CYTH4: variants seen among roughly 807,000 people sequenced by gnomAD.
The protein encoded by CYTH4 is cytohesin-4.
A neutral mutation model predicts 57.5 loss-of-function variants in CYTH4; 22 were observed. The ratio of observed to expected loss-of-function variants is 0.38; its 90% CI spans 0.27 to 0.55. The LOEUF (loss-of-function observed/expected upper bound fraction) is 0.55. Ranked by LOEUF, CYTH4 falls within the 20% of genes least tolerant of loss-of-function variation. The pLI, the probability that CYTH4 is intolerant of heterozygous loss-of-function variation, is 0.74. For synonymous variants in CYTH4, 186 were observed against 206.5 expected (o/e 0.90, Z 0.85); for missense variants, 420 against 535.6 (o/e 0.78, Z 2.13).
At chr22:37,293,646 T>C (rs1215989002) in intron 2 of CYTH4, among the ~76,000 whole-genome samples, 1 of 152,224 alleles carries the variant, frequency 6.6e-6, no homozygotes, top group Non-Finnish European at 1.5e-5. Context: ...GACAAGTCCC[T>C]GGAACCAGCC....
intron 1 of CYTH4, among the ~76,000 whole-genome samples, chr22:37,289,070 C>T (rs934048434): frequency 6.6e-6 from 1 of 152,204 alleles, no homozygotes; most frequent in South Asian, 2.1e-4. Flanking sequence ...GGATTGTTGA[C>T]TTTTGCAGAA....
In CYTH4 at chr22:37,301,030, G is replaced by A; in HGVS notation, c.547+11G>A. 1 of 1,610,650 alleles carries A rather than the reference G, an allele frequency of 6.2e-7. No individual in the cohort carries two copies. The highest frequency in any genetic ancestry group is 1.1e-5 in the South Asian group (1 of 90,892). On this transcript the variant is annotated intron_variant, in intron 7 of 12. Transcript: ENST00000248901. ...TCTTCCAGTCCACAGGTGCCAGGAG[G>A]GGAGTGGGACCCAGGGCTCCGGGAC... is the stretch of plus-strand genomic sequence containing the variant.
chr22:37,300,859 C>G, intron 6 of CYTH4, 48 bp from the exon 7 acceptor site: 1 of 1,539,196 alleles, frequency 6.5e-7, no homozygotes, highest in Non-Finnish European at 8.9e-7. Context: ...GTCTGGGGCC[C>G]GCGAGGGCCC....
At chr22:37,297,815 T>C in intron 5 of CYTH4, 133 bp downstream of exon 5, 2 of 709,506 alleles carry the variant, frequency 2.8e-6, no homozygotes, top group East Asian at 5.3e-5. Context: ...GGCTCACGGA[T>C]CATCCCCTCC....
chr22:37,303,432 C>A, intron 8 of CYTH4, 30 bp downstream of exon 8: 2 of 1,603,392 alleles, frequency 1.2e-6, no homozygotes. Flanking sequence ...CCCAGCCTGG[C>A]CCCGGGGAAT....
In CYTH4 at chr22:37,311,591, G is replaced by C; in HGVS notation, c.957+64G>C. On this transcript the variant is annotated intron_variant, in intron 11 of 12. Coordinates refer to ENST00000248901, the MANE Select transcript of CYTH4 (RefSeq NM_013385.5). This position sits in a 1 kb window ranked among gnomAD's most constrained non-coding sequence, Gnocchi z 4.4. ...CTGGGAAATTTCCTAAACAGAACGT[G>C]GGGAGAGGGCCTGAGGCTGGGCTCT... 8.5e-6 allele frequency: 13 copies of C among 1,524,918 alleles called. No individual in the cohort carries two copies. The highest frequency in any genetic ancestry group is 1.1e-5 in the Non-Finnish European group (12 of 1,102,356). 94.5% of individuals were successfully genotyped at this position (1,524,918 alleles called of 1,614,324 possible).
In CYTH4 at chr22:37,312,062, A is replaced by G. The variant is rs369747286; in HGVS notation, c.1000A>G (p.Ile334Val). The G allele has an allele frequency of 5.6e-6, 9 of 1,613,926 alleles. No homozygotes were observed. Among genetic ancestry groups the G allele is most frequent in the Non-Finnish European group, 7.6e-6 (9 of 1,179,994 alleles). ...CAACCCTAGCTGCCGAGGCCAGAAA[A>G]TCAAGGCCTGCAAGACCGATGGCGA... is the stretch of plus-strand genomic sequence containing the variant. ...LYNPSCRGQK[I>V]KACKTDGDGR... The change falls in exon 12 of 13, where the codon ATC (isoleucine) becomes GTC (valine). Residue 334 changes from isoleucine to valine, a missense_variant. By Grantham distance (29) the Ile-to-Val change is conservative. Transcript: ENST00000248901.
At chr22:37,299,367 G>T (rs117515586) in intron 6 of CYTH4, 61 bp downstream of exon 6, 1 of 1,430,582 alleles carries the variant, frequency 7.0e-7, no homozygotes, top group Non-Finnish European at 9.8e-7. Flanking sequence ...GTGGCTGGGG[G>T]TGTCGCGATC....
intron 4 of CYTH4, 125 bp from the exon 5 acceptor site, chr22:37,297,439 C>A: frequency 1.3e-6 from 1 of 783,546 alleles, no homozygotes; most frequent in South Asian, 1.6e-5. Context: ...CTTCCCAGAA[C>A]AGACTGTGCC....
At chr22:37,310,872 T>G in intron 9 of CYTH4, 116 bp from the exon 10 acceptor site, 1 of 1,078,688 alleles carries the variant, frequency 9.3e-7, no homozygotes, top group Non-Finnish European at 1.4e-6. Flanking sequence ...TGGACGAAGT[T>G]TAGGGCACTC....
At position 37,295,436 on chromosome 22, in the gene CYTH4, A is replaced by G. The variant is rs889852262; in HGVS notation, c.168-563A>G. 2.0e-5 allele frequency among the ~76,000 whole-genome samples: 3 copies of G among 151,780 alleles called. No homozygotes were observed. Among genetic ancestry groups the G allele is most frequent in the Non-Finnish European group, 2.9e-5 (2 of 67,964 alleles). On this transcript the variant is annotated intron_variant, in intron 3 of 12. Coordinates refer to ENST00000248901, the MANE Select transcript of CYTH4 (RefSeq NM_013385.5). The surrounding 1 kb of genome is among the most constrained non-coding windows in gnomAD (Gnocchi z 4.1). Reference sequence around the variant, plus strand: ...CATGCACACACACACAAGCATGCACACACACACAAGCATGCACACACACGA... The same window carrying G: ...CATGCACACACACACAAGCATGCACGCACACACAAGCATGCACACACACGA...
intron 1 of CYTH4, among the ~76,000 whole-genome samples, chr22:37,289,429 G>GTTCAGTAGCTGCCTGGTT (rs1438012417): frequency 1.3e-5 from 2 of 152,234 alleles, no homozygotes; most frequent in Non-Finnish European, 2.9e-5. Context: ...CAGGACTGTA[G>GTTCAGTAGCTGCCTGGTT]TTCAGTAGCT....
chr22:37,295,539 C>T lies in CYTH4; in HGVS notation c.168-460C>T, dbSNP rs191501329. Reference sequence around the variant, plus strand: ...CACCTACGCCTCACTGTTTTAGGTGCTTTAACCTCTCAACAATGCTGGGAG... The same window carrying T: ...CACCTACGCCTCACTGTTTTAGGTGTTTTAACCTCTCAACAATGCTGGGAG... On this transcript the variant is annotated intron_variant, in intron 3 of 12. Transcript: ENST00000248901. The surrounding 1 kb of genome is among the most constrained non-coding windows in gnomAD (Gnocchi z 4.1). 3.3e-5 allele frequency among the ~76,000 whole-genome samples: 5 copies of T among 152,142 alleles called. No individual in the cohort carries two copies. The highest frequency in any genetic ancestry group is 7.4e-5 in the Non-Finnish European group (5 of 68,006).
At chr22:37,292,985 G>A (rs147769809) in intron 2 of CYTH4, among the ~76,000 whole-genome samples, 3 of 152,302 alleles carry the variant, frequency 2.0e-5, no homozygotes, top group Non-Finnish European at 4.4e-5. Context: ...TCACAGGGCA[G>A]GCTCTGACCC....
intron 2 of CYTH4, 123 bp from the exon 3 acceptor site, chr22:37,294,537 T>A: frequency 1.9e-6 from 2 of 1,025,970 alleles, no homozygotes; most frequent in Non-Finnish European, 1.5e-6. Flanking sequence ...AGGACAGAGG[T>A]CAGGGAGAGG....
rs1929272386 is a variant in CYTH4, at chr22:37,303,472, C to T, written c.696+70C>T. On this transcript the variant is annotated intron_variant, in intron 8 of 12. Coordinates refer to ENST00000248901, the MANE Select transcript of CYTH4 (RefSeq NM_013385.5). Reference sequence around the variant, plus strand: ...GAGGGACCTGTCCTTAGATGGATGGCCCGGGAGGGGCTCCTCTGAGATAGA... The same window carrying T: ...GAGGGACCTGTCCTTAGATGGATGGTCCGGGAGGGGCTCCTCTGAGATAGA... 2.6e-6 allele frequency: 4 copies of T among 1,524,606 alleles called. No homozygotes were observed. The South Asian group carries it at 5.1e-5, about 19-fold the overall frequency. The allele number at this position is 1,524,606 out of a possible 1,614,324, so 94.4% of individuals were successfully genotyped here.
intron 6 of CYTH4, 143 bp downstream of exon 6, chr22:37,299,449 A>G: frequency 1.3e-6 from 1 of 783,330 alleles, no homozygotes; most frequent in Non-Finnish European, 2.2e-6. Context: ...TGACTTCATG[A>G]TAGTACTGCC....
At position 37,295,289 on chromosome 22, in the gene CYTH4, A is replaced by T. The variant is rs966453452; in HGVS notation, c.167+565A>T. 1.3e-5 allele frequency among the ~76,000 whole-genome samples: 2 copies of T among 151,378 alleles called. No homozygotes were observed. The highest frequency in any genetic ancestry group is 4.9e-5 in the African/African-American group (2 of 41,114). On this transcript the variant is annotated intron_variant, in intron 3 of 12. Transcript: ENST00000248901. The surrounding 1 kb of genome is among the most constrained non-coding windows in gnomAD (Gnocchi z 4.1). The stretch of plus-strand genomic sequence containing the variant: ...AAGGCCCCAGTGCACTGACTCTGAC[A>T]CACGATGTCCTGGCAATTTCCCATC...
intron 6 of CYTH4, chr22:37,300,038 G>C: frequency 1.4e-6 from 1 of 717,106 alleles, no homozygotes; most frequent in East Asian, 2.7e-5. Context: ...CTCATCCGTA[G>C]AATGGGGATA....
Sources: gnomAD v4.1 joint callset for allele counts (sites outside exome capture counted in the v4.1 genomes callset) on GRCh38, gnomAD v4.1.1 for gene constraint, Gnocchi (gnomAD v3.1) non-coding constraint, MANE v1.5 for transcripts, NCBI Gene and HGNC (gene_info 2026-07-23, HGNC 2026-07-21) for gene names.